The following ZNF423 variants were observed in gnomAD, a reference collection of about 807,000 sequenced individuals.
The protein encoded by ZNF423 is Ebf-associated zinc finger protein.
Under a neutral mutation model 95.8 loss-of-function variants are expected in ZNF423, and 12 were observed. The ratio of observed to expected loss-of-function variants is 0.13; its 90% confidence interval spans 0.08 to 0.20. ZNF423 has a LOEUF of 0.20. Ranked by LOEUF, ZNF423 falls within the 10% of genes least tolerant of loss-of-function variation. ZNF423 has a pLI of 1.00. For missense variants in ZNF423, 1,316 were observed against 1,737.1 expected (o/e 0.76, Z 4.31); for synonymous variants, 749 against 711.9 (o/e 1.05, Z -0.83).
rs529551779 is a variant in ZNF423, at chr16:49,782,094, C to T, written c.100+7393G>A. Among the ~76,000 whole-genome samples the T allele has an allele frequency of 2.0e-5, 3 of 152,214 alleles. 1 individual carries two copies. Among genetic ancestry groups the T allele is most frequent in the Non-Finnish European group, 4.4e-5 (3 of 68,048 alleles). On this transcript the variant is annotated intron_variant, in intron 2 of 7. Coordinates refer to ENST00000563137, the MANE Select transcript of ZNF423 (RefSeq NM_001379286.1). ...GTGTGCAAGGTCTTCAAAACATGTACCTCCTCTCCTTCCAGGCAGCAAATC... is the reference window on the plus strand; with the variant it reads ...GTGTGCAAGGTCTTCAAAACATGTATCTCCTCTCCTTCCAGGCAGCAAATC...
intron 3 of ZNF423, among the ~76,000 whole-genome samples, chr16:49,692,199 C>A (rs893740356): frequency 6.6e-6 from 1 of 152,146 alleles, no homozygotes; most frequent in Non-Finnish European, 1.5e-5. Context: ...AAGCGATCCT[C>A]CTGTCTCAGC....
rs191126271 is a variant in ZNF423 at position 49,557,536 on chromosome 16, C to G, written c.3602-32042G>C. On this transcript the variant is annotated intron_variant, in intron 5 of 7. Coordinates refer to ENST00000563137, the MANE Select transcript of ZNF423 (RefSeq NM_001379286.1). ...ACCCCAGGGGGTGGTGGTGGGGACA[C>G]GGGTGCTTGGGTGGAAAACGATGGC... 9.3e-4 allele frequency among the ~76,000 whole-genome samples: 141 copies of G among 152,248 alleles called. 1 individual carries two copies. Among genetic ancestry groups the G allele is most frequent in the Middle Eastern group, 3.4e-3 (1 of 294 alleles).
At position 49,529,163 on chromosome 16, in the gene ZNF423, C is replaced by T. The variant is rs1392712639; in HGVS notation, c.3602-3669G>A. On this transcript the variant is annotated intron_variant, in intron 5 of 7. Coordinates refer to ENST00000563137, the MANE Select transcript of ZNF423 (RefSeq NM_001379286.1). Reference sequence around the variant, plus strand: ...TTTTTAATAGCACATGACAGGCATCCATAAGACAGACCCACACAACTCAAG... The same window carrying T: ...TTTTTAATAGCACATGACAGGCATCTATAAGACAGACCCACACAACTCAAG... Among the ~76,000 whole-genome samples, 3 of 151,214 alleles carry T rather than the reference C, an allele frequency of 2.0e-5. No individual in the cohort carries two copies. In the South Asian group the frequency reaches 6.3e-4, roughly 32 times the overall value.
chr16:49,751,539 G>A (rs1189915536), intron 2 of ZNF423, among the ~76,000 whole-genome samples: 1 of 152,148 alleles, frequency 6.6e-6, no homozygotes, highest in Non-Finnish European at 1.5e-5. Context: ...AATCTTATTG[G>A]GAAACATTTC....
chr16:49,507,052 C>T (rs1401719791), intron 7 of ZNF423, among the ~76,000 whole-genome samples: 1 of 152,154 alleles, frequency 6.6e-6, no homozygotes, highest in Non-Finnish European at 1.5e-5. Context: ...GAGATCAAAT[C>T]TTGCCTTGGC....
chr16:49,589,654 T>C (rs1970945281), intron 5 of ZNF423, among the ~76,000 whole-genome samples: 1 of 152,050 alleles, frequency 6.6e-6, no homozygotes, highest in African/African-American at 2.4e-5. Context: ...AAAGTCAAAT[T>C]ACCTCTGAGC....
chr16:49,623,163 C>A (rs1193421599), intron 5 of ZNF423, among the ~76,000 whole-genome samples: 2 of 152,292 alleles, frequency 1.3e-5, no homozygotes, highest in Admixed American at 6.5e-5. Context: ...ACCAACCAAC[C>A]ACTCCCTGCT....
At chr16:49,714,481 A>AC (rs1379029211) in intron 3 of ZNF423, among the ~76,000 whole-genome samples, 1 of 151,666 alleles carries the variant, frequency 6.6e-6, no homozygotes, top group Non-Finnish European at 1.5e-5. Flanking sequence ...ACATGGCAAA[A>AC]CCCCATCTCT....
chr16:49,787,290 A>T (rs1035629315), intron 2 of ZNF423, among the ~76,000 whole-genome samples: 1 of 151,780 alleles, frequency 6.6e-6, no homozygotes, highest in African/African-American at 2.4e-5. Context: ...ACTATTAAAA[A>T]AAAGAAAAAA....
intron 5 of ZNF423, among the ~76,000 whole-genome samples, chr16:49,616,203 G>A (rs550648992): frequency 3.0e-4 from 46 of 152,312 alleles, no homozygotes; most frequent in Admixed American, 1.3e-3. Context: ...ATTATGTTAA[G>A]TGGAATAAGT....
chr16:49,785,903 C>T (rs545609522), intron 2 of ZNF423, among the ~76,000 whole-genome samples: 30 of 152,340 alleles, frequency 2.0e-4, no homozygotes, highest in African/African-American at 6.7e-4. Flanking sequence ...GAATGACCCA[C>T]GAACTCCCCT....
At chr16:49,668,028 G>C (rs548077742) in intron 3 of ZNF423, among the ~76,000 whole-genome samples, 1 of 152,196 alleles carries the variant, frequency 6.6e-6, no homozygotes, top group Non-Finnish European at 1.5e-5. Flanking sequence ...TCCTTCCCGA[G>C]GCAACCTGTT....
intron 3 of ZNF423, among the ~76,000 whole-genome samples, chr16:49,661,144 G>T (rs1368241366): frequency 6.6e-6 from 1 of 151,332 alleles, no homozygotes; most frequent in Non-Finnish European, 1.5e-5. Context: ...CTTGAACCTG[G>T]GACGCAGAGG....
At chr16:49,783,229 T>G (rs2034243592) in intron 2 of ZNF423, among the ~76,000 whole-genome samples, 2 of 150,162 alleles carry the variant, frequency 1.3e-5, no homozygotes, top group South Asian at 2.1e-4. Context: ...AGGGGTAGGG[T>G]TAGGGTTAGT....
At chr16:49,542,752 G>A (rs1969298708) in intron 5 of ZNF423, among the ~76,000 whole-genome samples, 1 of 152,178 alleles carries the variant, frequency 6.6e-6, no homozygotes, top group Non-Finnish European at 1.5e-5. Flanking sequence ...AGGCTCACCC[G>A]GCCAGATGCC....
rs538113098 is a variant in ZNF423, at chr16:49,673,468, G to A, written c.302-34594C>T. 6.1e-4 allele frequency among the ~76,000 whole-genome samples: 93 copies of A among 152,334 alleles called. 1 individual carries two copies. The highest frequency in any genetic ancestry group is 1.9e-3 in the African/African-American group (80 of 41,582). On this transcript the variant is annotated intron_variant, in intron 3 of 7. Coordinates refer to ENST00000563137, the MANE Select transcript of ZNF423 (RefSeq NM_001379286.1). ...GCTAACCGAGGCTGGCCTGGACTGCGGGTGCTTGTTAAGGAGAACTCCAGC... is the reference window on the plus strand; with the variant it reads ...GCTAACCGAGGCTGGCCTGGACTGCAGGTGCTTGTTAAGGAGAACTCCAGC...
intron 5 of ZNF423, among the ~76,000 whole-genome samples, chr16:49,609,343 A>T (rs116503691): frequency 0.016 from 2,504 of 152,314 alleles, 65 homozygotes; most frequent in African/African-American, 0.057. Context: ...AAGAAACAAG[A>T]TCTCAAATTC....
At chr16:49,796,968 C>A (rs2034508170) in intron 1 of ZNF423, among the ~76,000 whole-genome samples, 1 of 152,150 alleles carries the variant, frequency 6.6e-6, no homozygotes, top group South Asian at 2.1e-4. Context: ...CCTTGGGAAA[C>A]CTCCCCATGC....
intron 5 of ZNF423, among the ~76,000 whole-genome samples, chr16:49,530,558 C>G (rs1462131378): frequency 6.6e-6 from 1 of 152,154 alleles, no homozygotes; most frequent in South Asian, 2.1e-4. Context: ...AGACGCTTGA[C>G]GAGCAGGAAA....
Sources: gnomAD v4.1 joint callset for allele counts (sites outside exome capture counted in the v4.1 genomes callset) on GRCh38, gnomAD v4.1.1 for gene constraint, MANE v1.5 for transcripts, NCBI Gene and HGNC (gene_info 2026-07-23, HGNC 2026-07-21) for gene names.